The following ATP1A3 variants were observed in gnomAD, a reference collection of about 807,000 sequenced individuals.
The protein encoded by ATP1A3 is sodium/potassium-transporting ATPase subunit alpha-3.
Under a neutral mutation model 108.8 loss-of-function variants are expected in ATP1A3, and 12 were observed. The observed-to-expected ratio is 0.11, with a 90% CI of 0.07 to 0.18. The LOEUF (loss-of-function observed/expected upper bound fraction) is 0.18. ATP1A3 is among the 10% of genes least tolerant of loss of function. The pLI, the probability that ATP1A3 is intolerant of heterozygous loss-of-function variation, is 1.00. For missense variants in ATP1A3, 498 were observed against 1,387.7 expected (o/e 0.36, Z 10.19); for synonymous variants, 539 against 564.5 (o/e 0.95, Z 0.64).
chr19:41,967,882 C>T lies in ATP1A3; in HGVS notation c.2820-119G>A, dbSNP rs1005873361. On this transcript the variant is annotated intron_variant, in intron 20 of 22. Transcript: ENST00000648268. This position sits in a 1 kb window ranked among gnomAD's most constrained non-coding sequence, Gnocchi z 4.2. ...AGAGACAGCAGCACAGACACAGAGA[C>T]AGAGAGGCAGAGACATAGGGAGAGA... The T allele has an allele frequency of 2.0e-5, 16 of 820,102 alleles. No homozygotes were observed. The highest frequency in any genetic ancestry group is 3.1e-5 in the Non-Finnish European group (15 of 480,864). 50.8% of individuals were successfully genotyped at this position (820,102 alleles called of 1,614,324 possible). A position where few individuals can be genotyped will look rare whatever the true frequency, so the allele number is the denominator to read the frequency against.
In ATP1A3 at chr19:41,978,216, T is replaced by C; in HGVS notation, c.1741A>G (p.Met581Val). 6.2e-7 allele frequency: 1 copy of C among 1,614,186 alleles called. No individual in the cohort carries two copies. The highest frequency in any genetic ancestry group is 8.5e-7 in the Non-Finnish European group (1 of 1,180,028). ...ACGGCTGCCCGGGGTGGGTCGATCA[T>C]GGACATGAGGCCCACAAAGCAGAGG... ...DNLCFVGLMS[M>V]IDPPRAAVPD... Residue 581 changes from methionine (M) to valine (V), a missense_variant, in exon 13 of 23, where the codon ATG becomes GTG. Met to Val is a conservative substitution (Grantham distance 21). Coordinates refer to ENST00000648268, the MANE Select transcript of ATP1A3 (RefSeq NM_152296.5). The surrounding 1 kb of genome is among the most constrained non-coding windows in gnomAD (Gnocchi z 8.3).
At chr19:41,973,036 CTCT>C (rs2075130694) in intron 16 of ATP1A3, among the ~76,000 whole-genome samples, 1 of 152,192 alleles carries the variant, frequency 6.6e-6, no homozygotes, top group Admixed American at 6.5e-5. Context: ...CTGCATTGTG[CTCT>C]TCTCCACAAA....
At position 41,966,646 on chromosome 19, in the gene ATP1A3, T is replaced by C. The variant is rs1273202637; in HGVS notation, c.*291A>G. On this transcript the variant is annotated 3_prime_UTR_variant, in exon 23 of 23. Transcript: ENST00000648268. ...CCAGAGATGGCATCAGCCGGGGGGC[T>C]GAAGGGGAGTAAAAAAGAGCCCAGG... The C allele has an allele frequency of 6.6e-7, 1 of 1,505,784 alleles. No homozygotes were observed. Among genetic ancestry groups the C allele is most frequent in the African/African-American group, 1.4e-5 (1 of 72,034 alleles). 93.3% of individuals were successfully genotyped at this position (1,505,784 alleles called of 1,614,324 possible).
Position 41,976,501 on chromosome 19 carries a change from T to G in ATP1A3, c.2009A>C (p.Glu670Ala). 1 of 1,614,108 alleles carries G rather than the reference T, an allele frequency of 6.2e-7. No homozygotes were observed. Among genetic ancestry groups the G allele is most frequent in the Admixed American group, 1.7e-5 (1 of 60,004 alleles). Residue 670 changes from glutamate to alanine, a missense_variant, in exon 15 of 23, where the codon GAG becomes GCG. This residue lies in a region of ATP1A3 where 20 missense variants were observed against 17.8 expected (regional missense o/e 1.12). Coordinates refer to ENST00000648268, the MANE Select transcript of ATP1A3 (RefSeq NM_152296.5). ...LKDFTSEQID[E>A]ILQNHTEIVF... ...GATCTCGGTGTGATTCTGCAGGATC[T>G]CGTCGATTTGCTCGGAGGTGAAGTC...
Position 41,970,113 on chromosome 19 carries a change from A to T in ATP1A3, c.2542+72T>A. The T allele has an allele frequency of 3.7e-6, 6 of 1,613,048 alleles. No individual in the cohort carries two copies. In the South Asian group the frequency reaches 5.5e-5, roughly 15 times the overall value. ...CTGAGTCAATGCCAGGGTCCCAAGC[A>T]CCCACGGTGGGCCAGGCACTGCTCT... On this transcript the variant is annotated intron_variant, in intron 18 of 22. Coordinates refer to ENST00000648268, the MANE Select transcript of ATP1A3 (RefSeq NM_152296.5).
intron 16 of ATP1A3, among the ~76,000 whole-genome samples, chr19:41,973,264 T>G (rs1417746973): frequency 6.6e-6 from 1 of 152,118 alleles, no homozygotes; most frequent in Non-Finnish European, 1.5e-5. Flanking sequence ...TTTGTTTGTT[T>G]GTTTGAGACA....
Position 41,988,115 on chromosome 19 carries a change from C to A in ATP1A3, c.178G>T (p.Glu60Ter). 2 of 1,614,150 alleles carry A rather than the reference C, an allele frequency of 1.2e-6. No homozygotes were observed. The highest frequency in any genetic ancestry group is 1.7e-6 in the Non-Finnish European group (2 of 1,180,012). ...TTAGGCCCATCCCGGGCCAGGATCT[C>A]CTGGGCTTTGCTGTGGGTCAAACCC... The part of the protein sequence containing the change: ...VQGLTHSKAQ[E>*]ILARDGPNAL... The change falls in exon 4 of 23, where the codon GAG (glutamate) becomes TAG (stop). Residue 60 changes from glutamate to a stop codon, truncating the protein, a stop_gained. Transcript: ENST00000648268. LOFTEE classifies it high-confidence loss of function. This position sits in a 1 kb window ranked among gnomAD's most constrained non-coding sequence, Gnocchi z 5.3.
At position 41,988,153 on chromosome 19, in the gene ATP1A3, G is replaced by T. The variant is rs374600999; in HGVS notation, c.154-14C>A. ...GTGGGTCAAACCCTGAGGGACAGAG[G>T]ACTCACACAGAACCCTCCCTGGGCA... On this transcript the variant is annotated splice_polypyrimidine_tract_variant and intron_variant, in intron 3 of 22. Transcript: ENST00000648268. The surrounding 1 kb of genome is among the most constrained non-coding windows in gnomAD (Gnocchi z 5.3). 1.2e-6 allele frequency: 2 copies of T among 1,614,094 alleles called. No homozygotes were observed. The highest frequency in any genetic ancestry group is 1.3e-5 in the African/African-American group (1 of 74,986).
In ATP1A3 at chr19:41,981,651, G is replaced by T. The variant is rs782749835; in HGVS notation, c.1303-15C>A. 8 of 1,614,060 alleles carry T rather than the reference G, an allele frequency of 5.0e-6. No homozygotes were observed. The highest frequency in any genetic ancestry group is 6.8e-6 in the Non-Finnish European group (8 of 1,180,036). ...GCCACATCCCTCTGCAAGGAGAAAG[G>T]GTTGTCAGAACAGGGACAGCTGAGG... On this transcript the variant is annotated splice_polypyrimidine_tract_variant and intron_variant, in intron 10 of 22. Transcript: ENST00000648268. This position sits in a 1 kb window ranked among gnomAD's most constrained non-coding sequence, Gnocchi z 5.0.
Position 41,967,960 on chromosome 19 carries a change from G to A in ATP1A3, c.2820-197C>T, listed in dbSNP as rs781949564. ...AGAGAGACAAAGATAGAGGCAGAGCGATGGTGACACAGAAAGAGACAAAAG... is the reference window on the plus strand; with the variant it reads ...AGAGAGACAAAGATAGAGGCAGAGCAATGGTGACACAGAAAGAGACAAAAG... On this transcript the variant is annotated intron_variant, in intron 20 of 22. Coordinates refer to ENST00000648268, the MANE Select transcript of ATP1A3 (RefSeq NM_152296.5). This position sits in a 1 kb window ranked among gnomAD's most constrained non-coding sequence, Gnocchi z 4.2. Among the ~76,000 whole-genome samples, 7 of 152,006 alleles carry A rather than the reference G, an allele frequency of 4.6e-5. No homozygotes were observed. The highest frequency in any genetic ancestry group is 7.2e-5 in the African/African-American group (3 of 41,390).
chr19:41,968,075 C>T lies in ATP1A3; in HGVS notation c.2820-312G>A, dbSNP rs1199585400. On this transcript the variant is annotated intron_variant, in intron 20 of 22. Coordinates refer to ENST00000648268, the MANE Select transcript of ATP1A3 (RefSeq NM_152296.5). The surrounding 1 kb of genome is among the most constrained non-coding windows in gnomAD (Gnocchi z 5.0). Reference sequence around the variant, plus strand: ...ACAGGGACAGACACAGAGACAGGGACAGAAACAGACACAGAGACAGGGACA... The same window carrying T: ...ACAGGGACAGACACAGAGACAGGGATAGAAACAGACACAGAGACAGGGACA... Among the ~76,000 whole-genome samples the T allele has an allele frequency of 2.6e-5, 4 of 151,388 alleles. No homozygotes were observed. Among genetic ancestry groups the T allele is most frequent in the African/African-American group, 9.7e-5 (4 of 41,228 alleles).
rs369771087 is a variant in ATP1A3, at chr19:41,976,407, G to A, written c.2094+9C>T. On this transcript the variant is annotated intron_variant, in intron 15 of 22. Transcript: ENST00000648268. ...GCCCCGTCCCCTCCTCTGCGGGAGC[G>A]CAGCCCACCTGTCTCTGACAGCCCT... 49 of 1,613,948 alleles carry A rather than the reference G, an allele frequency of 3.0e-5. No homozygotes were observed. Among genetic ancestry groups the A allele is most frequent in the South Asian group, 9.9e-5 (9 of 91,088 alleles).
intron 14 of ATP1A3, 152 bp downstream of exon 14, chr19:41,977,784 A>G: frequency 1.7e-6 from 2 of 1,149,230 alleles, no homozygotes; most frequent in Non-Finnish European, 2.4e-6. Context: ...ATGTCCCCAC[A>G]CCGGAGGGAG....
At chr19:41,980,137 C>A (rs1435784531) in intron 11 of ATP1A3, among the ~76,000 whole-genome samples, 1 of 152,262 alleles carries the variant, frequency 6.6e-6, no homozygotes. Flanking sequence ...CCCCAGACAC[C>A]TGCAGGGTTC....
chr19:41,972,889 C>CGGAGGGAGGGAGGGAG (rs1555860277), intron 16 of ATP1A3, among the ~76,000 whole-genome samples: 1 of 45,242 alleles, frequency 2.2e-5, no homozygotes, highest in African/African-American at 6.7e-5. Flanking sequence ...CAGGCAGGGA[C>CGGAGGGAGGGAGGGAG]GGAGGGAGGG....
intron 14 of ATP1A3, among the ~76,000 whole-genome samples, chr19:41,976,997 G>C (rs1599714198): frequency 6.6e-6 from 1 of 151,552 alleles, no homozygotes; most frequent in East Asian, 2.0e-4. Flanking sequence ...TAGTGCAGAT[G>C]GGGTTTTGCC....
At chr19:41,971,427 T>C (rs1555859873) in intron 16 of ATP1A3, among the ~76,000 whole-genome samples, 1 of 152,160 alleles carries the variant, frequency 6.6e-6, no homozygotes, top group African/African-American at 2.4e-5. Flanking sequence ...GAGGACTGTT[T>C]ATGCCCAGCG....
intron 16 of ATP1A3, among the ~76,000 whole-genome samples, chr19:41,974,883 G>C (rs570373914): frequency 1.3e-5 from 2 of 152,190 alleles, no homozygotes; most frequent in African/African-American, 4.8e-5. Flanking sequence ...CCTGTGTACC[G>C]GTTCCTCTGC....
intron 16 of ATP1A3, among the ~76,000 whole-genome samples, chr19:41,972,482 A>T (rs1313969087): frequency 1.3e-5 from 2 of 151,814 alleles, no homozygotes; most frequent in Non-Finnish European, 2.9e-5. Flanking sequence ...ATTAAGAAAG[A>T]ACAGGCGGGC....
Sources: allele counts gnomAD v4.1 joint callset (sites outside exome capture counted in the v4.1 genomes callset), GRCh38; gene constraint gnomAD v4.1.1; regional missense constraint gnomAD v4.1.1; non-coding constraint Gnocchi (gnomAD v3.1); transcripts MANE v1.5; gene names NCBI Gene and HGNC (gene_info 2026-07-23, HGNC 2026-07-21).